PRKD1: variants seen among roughly 807,000 people sequenced by gnomAD.
The protein encoded by PRKD1 is protein kinase D1, also known as serine/threonine-protein kinase D1.
PRKD1 carries 63 observed loss-of-function variants against 95.9 expected under a neutral mutation model. The ratio of observed to expected loss-of-function variants is 0.66; its 90% CI spans 0.54 to 0.81. PRKD1 has a LOEUF of 0.81. PRKD1 is among the 30% of genes least tolerant of loss of function. The pLI is 0.00. For synonymous variants in PRKD1, 425 were observed against 423.1 expected (o/e 1.00, Z -0.05); for missense variants, 1,048 against 1,165.3 (o/e 0.90, Z 1.47).
intron 1 of PRKD1, among the ~76,000 whole-genome samples, chr14:29,763,778 T>C (rs915971931): frequency 6.6e-6 from 1 of 152,130 alleles, no homozygotes; most frequent in Admixed American, 6.5e-5. Context: ...GCTGCAATTC[T>C]TTCTGCTCTC....
At chr14:29,623,406 C>T (rs1274445011) in intron 13 of PRKD1, among the ~76,000 whole-genome samples, 2 of 151,954 alleles carry the variant, frequency 1.3e-5, no homozygotes, top group African/African-American at 2.4e-5. Flanking sequence ...AAAAATTGTC[C>T]GTTAAAACTG....
chr14:29,700,977 C>G, intron 2 of PRKD1, among the ~76,000 whole-genome samples: 1 of 50,242 alleles, frequency 2.0e-5, no homozygotes, highest in Non-Finnish European at 4.4e-5. Flanking sequence ...CGTGCGCATG[C>G]GCGCGCGCGC....
intron 12 of PRKD1, among the ~76,000 whole-genome samples, chr14:29,624,982 C>T (rs1018785772): frequency 2.0e-5 from 3 of 152,128 alleles, no homozygotes; most frequent in African/African-American, 7.2e-5. Context: ...TTAATTGAAT[C>T]TGAAAATAAT....
rs117276773 is a variant in PRKD1, at chr14:29,771,307, C to T, written c.265-45633G>A. 6.2e-4 allele frequency among the ~76,000 whole-genome samples: 95 copies of T among 152,176 alleles called. No homozygotes were observed. The East Asian group carries it at 0.017, about 27-fold the overall frequency. ...ACTGGGCTGCCCCTCTCATCACAGG[C>T]CCAGAGTGCCAAGACCTGGAGAACA... On this transcript the variant is annotated intron_variant, in intron 1 of 17. Coordinates refer to ENST00000331968, the MANE Select transcript of PRKD1 (RefSeq NM_002742.3).
intron 1 of PRKD1, among the ~76,000 whole-genome samples, chr14:29,896,825 T>TATA (rs1481951368): frequency 3.3e-5 from 5 of 151,178 alleles, no homozygotes; most frequent in Non-Finnish European, 7.4e-5. Context: ...GAAAATAAAC[T>TATA]ATAATGTTTA....
intron 4 of PRKD1, chr14:29,656,536 A>G: frequency 6.5e-7 from 1 of 1,531,326 alleles, no homozygotes; most frequent in Non-Finnish European, 8.8e-7. Flanking sequence ...AAGCAGGCAA[A>G]GGTGCAGAAT....
intron 1 of PRKD1, among the ~76,000 whole-genome samples, chr14:29,840,265 C>A (rs1891782689): frequency 6.6e-6 from 1 of 152,162 alleles, no homozygotes; most frequent in African/African-American, 2.4e-5. Context: ...CAGGGCAGGG[C>A]AAAATGCTAT....
intron 1 of PRKD1, among the ~76,000 whole-genome samples, chr14:29,766,268 C>T (rs1417117422): frequency 6.6e-6 from 1 of 152,080 alleles, no homozygotes; most frequent in Non-Finnish European, 1.5e-5. Flanking sequence ...TCTCCTTTGC[C>T]CACTGTTCAT....
intron 1 of PRKD1, among the ~76,000 whole-genome samples, chr14:29,852,183 T>C (rs990493525): frequency 5.9e-5 from 9 of 152,074 alleles, no homozygotes; most frequent in Admixed American, 1.3e-4. Flanking sequence ...CTCAGCATCA[T>C]GTAATATACC....
intron 1 of PRKD1, among the ~76,000 whole-genome samples, chr14:29,777,562 G>T (rs1173856831): frequency 7.2e-5 from 11 of 152,166 alleles, no homozygotes; most frequent in South Asian, 2.1e-4. Context: ...ATTACATAAT[G>T]GTAAAGGGAT....
chr14:29,766,348 T>C (rs1287542817), intron 1 of PRKD1, among the ~76,000 whole-genome samples: 1 of 152,154 alleles, frequency 6.6e-6, no homozygotes, highest in African/African-American at 2.4e-5. Flanking sequence ...AGCAAATCCA[T>C]GACACAATGC....
intron 13 of PRKD1, among the ~76,000 whole-genome samples, chr14:29,605,758 A>G (rs1893681633): frequency 6.6e-6 from 1 of 152,242 alleles, no homozygotes; most frequent in Admixed American, 6.5e-5. Context: ...TGATTGAAAG[A>G]TGAAGAGTCT....
chr14:29,583,517 T>G (rs1348779229), intron 16 of PRKD1, among the ~76,000 whole-genome samples: 1 of 152,182 alleles, frequency 6.6e-6, no homozygotes, highest in African/African-American at 2.4e-5. Flanking sequence ...GATTATTTTC[T>G]GATTATACCT....
chr14:29,626,546 GT>G lies in PRKD1; in HGVS notation c.1735del (p.Thr579GlnfsTer31). ...TTCATCAGGAAAAATCTGATATACT[GT>G]GCTGATGTCCTAGAGGTACAAGCCC... ...CQIQENVDIS[T>X]VYQIFPDEVL... On this transcript the variant is annotated frameshift_variant, in exon 12 of 18. Coordinates refer to ENST00000331968, the MANE Select transcript of PRKD1 (RefSeq NM_002742.3). LOFTEE classifies it high-confidence loss of function. The G allele has an allele frequency of 6.2e-7, 1 of 1,610,008 alleles. No individual in the cohort carries two copies.
intron 1 of PRKD1, among the ~76,000 whole-genome samples, chr14:29,793,134 AG>A (rs1260397768): frequency 6.6e-6 from 1 of 152,086 alleles, no homozygotes; most frequent in Non-Finnish European, 1.5e-5. Flanking sequence ...TAAATATACA[AG>A]GGTAACAAAA....
chr14:29,784,330 C>T (rs904850746), intron 1 of PRKD1, among the ~76,000 whole-genome samples: 2 of 152,040 alleles, frequency 1.3e-5, no homozygotes. Flanking sequence ...TAGTGTGATG[C>T]CTCCAGCTTT....
chr14:29,609,391 G>T (rs1337127099), intron 13 of PRKD1, among the ~76,000 whole-genome samples: 1 of 151,926 alleles, frequency 6.6e-6, no homozygotes, highest in East Asian at 1.9e-4. Context: ...TTGTAGTCTT[G>T]TGCATTCTAT....
chr14:29,673,673 C>T (rs1483721232), intron 2 of PRKD1, among the ~76,000 whole-genome samples: 1 of 152,224 alleles, frequency 6.6e-6, no homozygotes, highest in Non-Finnish European at 1.5e-5. Context: ...AAACATGTTG[C>T]TTCCCTGCAG....
chr14:29,826,715 A>G (rs1186095607), intron 1 of PRKD1, among the ~76,000 whole-genome samples: 1 of 95,930 alleles, frequency 1.0e-5, no homozygotes, highest in African/African-American at 4.1e-5. Context: ...ATACACATAT[A>G]TATATACATA....
Sources: allele counts gnomAD v4.1 joint callset (sites outside exome capture counted in the v4.1 genomes callset), GRCh38; gene constraint gnomAD v4.1.1; transcripts MANE v1.5; gene names NCBI Gene and HGNC (gene_info 2026-07-23, HGNC 2026-07-21).